The following CNBD2 variants were observed in gnomAD, a reference collection of about 807,000 sequenced individuals.
The protein encoded by CNBD2 is cyclic nucleotide-binding domain-containing protein 2.
A neutral mutation model predicts 63.7 loss-of-function variants in CNBD2; 64 were observed. That is an observed-to-expected ratio of 1.00 (90% CI 0.82 to 1.24). The LOEUF (loss-of-function observed/expected upper bound fraction) is 1.24. Ranked by LOEUF, CNBD2 falls within the 50% of genes most tolerant of loss-of-function variation. The pLI, the probability that CNBD2 is intolerant of heterozygous loss-of-function variation, is 0.00. For missense variants in CNBD2, 691 were observed against 713.5 expected, an observed-to-expected ratio of 0.97 and a Z score of 0.36; for synonymous variants, 229 against 255.4, an observed-to-expected ratio of 0.90 and a Z score of 0.99.
chr20:35,978,658 T>C (rs11907270), intron 3 of CNBD2, among the ~76,000 whole-genome samples: 4,737 of 152,130 alleles, frequency 0.031, 233 homozygotes, highest in African/African-American at 0.11. Context: ...GCCCAGCTAA[T>C]TCTTAAATTT....
intron 7 of CNBD2, among the ~76,000 whole-genome samples, chr20:35,989,601 G>A (rs1214586053): frequency 1.3e-5 from 2 of 152,126 alleles, no homozygotes; most frequent in Non-Finnish European, 2.9e-5. Context: ...TTGTGTGCTG[G>A]CACTGGCTTG....
At chr20:35,988,999 A>G (rs1357675927) in intron 7 of CNBD2, among the ~76,000 whole-genome samples, 1 of 152,198 alleles carries the variant, frequency 6.6e-6, no homozygotes, top group East Asian at 1.9e-4. Flanking sequence ...AATGAAAAGA[A>G]AATCTCCCAT....
chr20:35,987,080 TGGA>T (rs145635616), intron 6 of CNBD2, among the ~76,000 whole-genome samples: 28,005 of 151,614 alleles, frequency 0.18, 2,791 homozygotes, highest in South Asian at 0.41. Context: ...ATGGCAGGGC[TGGA>T]GGAGGAGAAG....
intron 10 of CNBD2, among the ~76,000 whole-genome samples, chr20:36,022,110 A>G (rs2057218315): frequency 6.6e-6 from 1 of 150,768 alleles, no homozygotes. Context: ...TCTGATTGAA[A>G]TGATTCCCCT....
upstream of CNBD2, among the ~76,000 whole-genome samples, chr20:35,968,238 G>C (rs2056363984): frequency 6.6e-6 from 1 of 152,204 alleles, no homozygotes; most frequent in South Asian, 2.1e-4. Context: ...TTCTAGGAAA[G>C]AGGTAGCAAC....
At chr20:35,954,642 G>T (rs527739446), upstream of CNBD2, 41 of 1,293,584 alleles carry the variant, frequency 3.2e-5, no homozygotes, top group African/African-American at 5.6e-4. Flanking sequence ...GGCTCCTTCC[G>T]AATGGTGGCG....
chr20:35,979,496 G>C (rs2056567125), intron 3 of CNBD2, among the ~76,000 whole-genome samples: 1 of 152,230 alleles, frequency 6.6e-6, no homozygotes, highest in South Asian at 2.1e-4. Context: ...GGCCTCAAGT[G>C]ATCCCCCTGC....
chr20:35,984,618 A>G lies in CNBD2; in HGVS notation c.565-9A>G, dbSNP rs2056641992. On this transcript the variant is annotated splice_polypyrimidine_tract_variant and intron_variant, in intron 5 of 11. Coordinates refer to ENST00000373973, the MANE Select transcript of CNBD2 (RefSeq NM_001365709.1). ...CCTCACACTTGCCCTTGCCCTGTCC[A>G]CCCAACAGGAAATGGACGTTCTGCA... The G allele has an allele frequency of 6.2e-7, 1 of 1,613,620 alleles. No individual in the cohort carries two copies. Among genetic ancestry groups the G allele is most frequent in the Non-Finnish European group, 8.5e-7 (1 of 1,179,854 alleles).
chr20:35,959,861 G>T (rs761181642), downstream of CNBD2, among the ~76,000 whole-genome samples: 8 of 152,212 alleles, frequency 5.3e-5, no homozygotes, highest in Non-Finnish European at 1.0e-4. Flanking sequence ...TAAAGCAGGG[G>T]AAGGATGTGA....
chr20:35,984,814 G>C lies in CNBD2; in HGVS notation c.716+36G>C, dbSNP rs147359801. 7.0e-3 allele frequency: 11,329 copies of C among 1,608,986 alleles called. 59 individuals are homozygous for C. Among genetic ancestry groups the C allele is most frequent in the Non-Finnish European group, 8.9e-3 (10,483 of 1,175,798 alleles). On this transcript the variant is annotated intron_variant, in intron 6 of 11. Coordinates refer to ENST00000373973, the MANE Select transcript of CNBD2 (RefSeq NM_001365709.1). ...CTTCATTCAACATTTTTTTCCCCTT[G>C]TGTGTTTATTAGCTGCCTGACTTTG...
chr20:35,961,132 T>G (rs1300038878), intron 2 of CNBD2, among the ~76,000 whole-genome samples: 1 of 152,092 alleles, frequency 6.6e-6, no homozygotes, highest in Non-Finnish European at 1.5e-5. Flanking sequence ...ATTTTCACCA[T>G]GTTAGCCAGG....
At chr20:35,986,394 G>C (rs1421683666) in intron 6 of CNBD2, among the ~76,000 whole-genome samples, 1 of 152,006 alleles carries the variant, frequency 6.6e-6, no homozygotes. Flanking sequence ...GGTTACCAGC[G>C]ATGTGACCCT....
chr20:35,999,059 C>T (rs1419508652), intron 8 of CNBD2, among the ~76,000 whole-genome samples: 1 of 151,732 alleles, frequency 6.6e-6, no homozygotes, highest in African/African-American at 2.4e-5. Context: ...CTTATTTGTC[C>T]CTGGTAATAT....
At chr20:35,989,711 T>C (rs965857213) in intron 7 of CNBD2, among the ~76,000 whole-genome samples, 6 of 152,080 alleles carry the variant, frequency 3.9e-5, no homozygotes, top group Non-Finnish European at 7.4e-5. Flanking sequence ...AAATAAGTTA[T>C]ATGGAAAATT....
chr20:35,954,542 G>A (rs545354984), upstream of CNBD2: 1 of 1,504,716 alleles, frequency 6.6e-7, no homozygotes, highest in South Asian at 1.2e-5. Context: ...CCGCTTGCGG[G>A]CTCCCGGAAG....
At chr20:36,018,301 C>T (rs186437066) in intron 10 of CNBD2, among the ~76,000 whole-genome samples, 162 of 152,234 alleles carry the variant, frequency 1.1e-3, no homozygotes, top group African/African-American at 3.7e-3. Flanking sequence ...CTGTTTTGTC[C>T]AGGCCCTGCA....
chr20:35,993,891 G>A (rs1175891875), intron 7 of CNBD2, among the ~76,000 whole-genome samples: 193 of 33,578 alleles, frequency 5.7e-3, no homozygotes, highest in African/African-American at 0.018. Flanking sequence ...TTTTTTTTTT[G>A]GAGACAGAAT....
intron 10 of CNBD2, among the ~76,000 whole-genome samples, chr20:36,014,744 A>G (rs1601093617): frequency 6.6e-6 from 1 of 150,962 alleles, no homozygotes; most frequent in African/African-American, 2.4e-5. Flanking sequence ...CAATCCTCTC[A>G]CCTCAGTATT....
intron 11 of CNBD2, among the ~76,000 whole-genome samples, chr20:36,028,960 C>G (rs1294698677): frequency 6.6e-6 from 1 of 152,156 alleles, no homozygotes; most frequent in African/African-American, 2.4e-5. Flanking sequence ...CAGGCATGAG[C>G]CACCGCACCC....
Sources: allele counts gnomAD v4.1 joint callset (sites outside exome capture counted in the v4.1 genomes callset), GRCh38; gene constraint gnomAD v4.1.1; transcripts MANE v1.5; gene names NCBI Gene and HGNC (gene_info 2026-07-23, HGNC 2026-07-21).